Variants in HDDC2 observed in about 807,000 individuals in gnomAD.
HDDC2 encodes 5'-deoxynucleotidase HDDC2.
A neutral mutation model predicts 25.5 loss-of-function variants in HDDC2; 25 were observed. The ratio of observed to expected loss-of-function variants is 0.98; its 90% CI spans 0.72 to 1.37. HDDC2 has a LOEUF of 1.37. Ranked by LOEUF, HDDC2 falls within the 40% of genes most tolerant of loss-of-function variation. The probability of loss-of-function intolerance (pLI) is 0.00; values close to 1 mark genes in which losing one functional copy is unlikely to be tolerated. For missense variants in HDDC2, 264 were observed against 253.1 expected (o/e 1.04, Z -0.29); for synonymous variants, 106 against 89.7 (o/e 1.18, Z -1.03).
At chr6:125,293,413 G>T (rs532581691) in intron 3 of HDDC2, among the ~76,000 whole-genome samples, 1 of 152,130 alleles carries the variant, frequency 6.6e-6, no homozygotes, top group Non-Finnish European at 1.5e-5. Flanking sequence ...ACAAATGAGC[G>T]ATTATTGCCA....
At chr6:125,301,095 C>T (rs1487068593) in intron 1 of HDDC2, among the ~76,000 whole-genome samples, 14 of 152,134 alleles carry the variant, frequency 9.2e-5, no homozygotes, top group Admixed American at 9.2e-4. Flanking sequence ...GATAAGGGCA[C>T]TTCTAATTGC....
At chr6:125,300,394 C>T (rs770101337) in intron 2 of HDDC2, 144 bp downstream of exon 2, 43 of 1,015,222 alleles carry the variant, frequency 4.2e-5, no homozygotes, top group Non-Finnish European at 5.5e-5. Context: ...AACCCACATC[C>T]TAAATTTGTA....
chr6:125,295,284 A>G (rs1798692352), intron 3 of HDDC2, among the ~76,000 whole-genome samples: 1 of 152,234 alleles, frequency 6.6e-6, no homozygotes, highest in Non-Finnish European at 1.5e-5. Flanking sequence ...TAAAGTGCCG[A>G]GCTGAATGAA....
chr6:125,282,947 G>A (rs761257611), intron 4 of HDDC2, among the ~76,000 whole-genome samples: 7 of 152,158 alleles, frequency 4.6e-5, no homozygotes, highest in Non-Finnish European at 1.0e-4. Flanking sequence ...AGGGATGAAT[G>A]CAACAAGAAG....
chr6:125,301,811 C>T (rs760046073), intron 1 of HDDC2, 38 bp downstream of exon 1: 2 of 1,489,478 alleles, frequency 1.3e-6, no homozygotes, highest in South Asian at 1.2e-5. Flanking sequence ...ACAGTCCCGC[C>T]CGCTCGGCCG....
chr6:125,286,484 C>A (rs1004852001), intron 4 of HDDC2, among the ~76,000 whole-genome samples: 2 of 152,206 alleles, frequency 1.3e-5, no homozygotes, highest in Admixed American at 1.3e-4. Context: ...ATAGAACTTT[C>A]TAATGCTAGC....
At chr6:125,290,077 A>ATTAGCTAATTTATCACTAAT (rs1202419082) in intron 4 of HDDC2, among the ~76,000 whole-genome samples, 2 of 152,160 alleles carry the variant, frequency 1.3e-5, no homozygotes, top group African/African-American at 4.8e-5. Flanking sequence ...AAAGTGATAA[A>ATTAGCTAATTTATCACTAAT]TAGTTGTAAT....
intron 3 of HDDC2, 43 bp downstream of exon 3, chr6:125,298,671 G>GT (rs1363157804): frequency 1.4e-6 from 2 of 1,461,184 alleles, no homozygotes; most frequent in Non-Finnish European, 1.9e-6. Flanking sequence ...TCAGCAAGAG[G>GT]TTTTTCTGGT....
At chr6:125,300,750 A>G (rs1474289318) in intron 1 of HDDC2, 91 bp from the exon 2 acceptor site, 11 of 1,266,912 alleles carry the variant, frequency 8.7e-6, no homozygotes, top group African/African-American at 1.5e-5. Context: ...TATAACACAC[A>G]GAAGCCGGGT....
chr6:125,299,324 A>C (rs1256713283), intron 2 of HDDC2, among the ~76,000 whole-genome samples: 6 of 152,212 alleles, frequency 3.9e-5, no homozygotes, highest in Admixed American at 3.9e-4. Context: ...TGGAGGTTGT[A>C]GTTGGCTGAC....
intron 4 of HDDC2, among the ~76,000 whole-genome samples, chr6:125,283,069 T>C (rs1583049953): frequency 6.6e-6 from 1 of 152,134 alleles, no homozygotes; most frequent in Non-Finnish European, 1.5e-5. Flanking sequence ...AAAAATCACA[T>C]GATTATCTCA....
intron 3 of HDDC2, 82 bp from the exon 4 acceptor site, chr6:125,292,991 G>T: frequency 9.1e-7 from 1 of 1,095,214 alleles, no homozygotes; most frequent in Non-Finnish European, 1.4e-6. Flanking sequence ...AATAGGTTCG[G>T]ATTCTTACAA....
intron 4 of HDDC2, among the ~76,000 whole-genome samples, chr6:125,289,826 G>A (rs1038416711): frequency 1.3e-5 from 2 of 152,218 alleles, no homozygotes; most frequent in Non-Finnish European, 2.9e-5. Flanking sequence ...GGGTGTACTA[G>A]GCATTTCACA....
intron 4 of HDDC2, among the ~76,000 whole-genome samples, chr6:125,290,748 T>A (rs1409974930): frequency 6.6e-6 from 1 of 152,196 alleles, no homozygotes; most frequent in Non-Finnish European, 1.5e-5. Flanking sequence ...TCCTTTTGCT[T>A]TTGGAGAGAA....
Position 125,277,211 on chromosome 6 carries a change from G to C in HDDC2, c.408C>G (p.Ala136=). ...ATTGGTCTAGCTGCTTCACAAATTT[G>C]GCTTCTGCACTAGATTGGGTCTCGT... is the stretch of plus-strand genomic sequence containing the variant. The part of the protein sequence containing the change: ...EEYETQSSAE[A]KFVKQLDQCE... Residue 136 remains alanine, a synonymous_variant, in exon 5 of 6, where the codon GCC becomes GCG. Coordinates refer to ENST00000398153, the MANE Select transcript of HDDC2 (RefSeq NM_016063.3). 6.2e-7 allele frequency: 1 copy of C among 1,614,012 alleles called. No homozygotes were observed. Among genetic ancestry groups the C allele is most frequent in the Non-Finnish European group, 8.5e-7 (1 of 1,179,964 alleles).
intron 3 of HDDC2, among the ~76,000 whole-genome samples, chr6:125,295,001 C>A (rs1236420174): frequency 6.6e-6 from 1 of 152,232 alleles, no homozygotes; most frequent in Middle Eastern, 3.2e-3. Context: ...ATCACACAAT[C>A]AGAATAGCAT....
chr6:125,299,728 T>G (rs1798766566), intron 2 of HDDC2, among the ~76,000 whole-genome samples: 2 of 152,214 alleles, frequency 1.3e-5, no homozygotes, highest in African/African-American at 2.4e-5. Flanking sequence ...CTTCATCTGC[T>G]GAGTAACAGA....
In HDDC2 at chr6:125,298,756, T is replaced by C; in HGVS notation, c.267A>G (p.Pro89=). The change falls in exon 3 of 6, where the codon CCA becomes CCG. Residue 89 remains proline, a synonymous_variant. Coordinates refer to ENST00000398153, the MANE Select transcript of HDDC2 (RefSeq NM_016063.3). ...TTTCTTCTTTGGGGATGTTATCTGC[T>C]GGTGCTATGTCCCCAACGATGCATT... ...MAECIVGDIA[P]ADNIPKEEKH... 6.2e-7 allele frequency: 1 copy of C among 1,614,184 alleles called. No individual in the cohort carries two copies. The highest frequency in any genetic ancestry group is 8.5e-7 in the Non-Finnish European group (1 of 1,180,018).
intron 4 of HDDC2, among the ~76,000 whole-genome samples, chr6:125,283,512 T>C (rs566477829): frequency 2.0e-5 from 3 of 152,306 alleles, no homozygotes; most frequent in Non-Finnish European, 2.9e-5. Flanking sequence ...AGCATTCCTA[T>C]ACACCAATAA....
Sources: gnomAD v4.1 joint callset for allele counts (sites outside exome capture counted in the v4.1 genomes callset) on GRCh38, gnomAD v4.1.1 for gene constraint, MANE v1.5 for transcripts, NCBI Gene and HGNC (gene_info 2026-07-23, HGNC 2026-07-21) for gene names.